The following DYSF variants were observed in gnomAD, a reference collection of about 807,000 sequenced individuals.
DYSF encodes the protein dystrophy-associated fer-1-like 1.
DYSF carries 212 observed loss-of-function variants against 274.9 expected under a neutral mutation model. The ratio of observed to expected loss-of-function variants is 0.77; its 90% CI spans 0.69 to 0.86. The LOEUF (loss-of-function observed/expected upper bound fraction) is 0.86, where lower values mean the gene tolerates loss of function less well. Among genes scored for constraint, DYSF ranks in the 40% least tolerant of loss-of-function variants. The pLI is 0.00. For missense variants in DYSF, 2,666 were observed against 2,783.2 expected (o/e 0.96, Z 0.95); for synonymous variants, 1,091 against 1,078.7 (o/e 1.01, Z -0.22).
intron 4 of DYSF, among the ~76,000 whole-genome samples, chr2:71,504,239 C>T (rs1262349474): frequency 1.3e-5 from 2 of 152,098 alleles, no homozygotes; most frequent in African/African-American, 4.8e-5. Context: ...TCCCCTAGAC[C>T]CTCTGGTGGA....
At position 71,552,904 on chromosome 2, in the gene DYSF, A is replaced by G. The variant is rs540183562; in HGVS notation, c.1807-107A>G. On this transcript the variant is annotated intron_variant, in intron 19 of 55. Coordinates refer to ENST00000410020, the MANE Select transcript of DYSF (RefSeq NM_001130987.2). ...CCACCCGTCAGTCCAGCCAGGAGCT[A>G]TTGGGTGCCGGTTATGGCCGGGGCC... The G allele has an allele frequency of 4.3e-6, 5 of 1,163,068 alleles. No homozygotes were observed. In the East Asian group the frequency reaches 9.9e-5, roughly 23 times the overall value. The allele number at this position is 1,163,068 out of a possible 1,614,324, so 72.0% of individuals were successfully genotyped here. A position where few individuals can be genotyped will look rare whatever the true frequency, so the allele number is the denominator to read the frequency against.
chr2:71,581,560 C>T (rs1393599409), intron 30 of DYSF, among the ~76,000 whole-genome samples: 1 of 152,218 alleles, frequency 6.6e-6, no homozygotes, highest in Non-Finnish European at 1.5e-5. Flanking sequence ...CCCCACAGCC[C>T]TGACTTGGCA....
rs2090963927 is a variant in DYSF, at chr2:71,551,736, C to T, written c.1806+16C>T. On this transcript the variant is annotated intron_variant, in intron 19 of 55. Coordinates refer to ENST00000410020, the MANE Select transcript of DYSF (RefSeq NM_001130987.2). ...CCGGGTGGAGGTGAGGGGTGTGGCT[C>T]TGGGTGGGAGCTGGGCGTCGGGGCA... is the stretch of plus-strand genomic sequence containing the variant. 3 of 1,590,538 alleles carry T rather than the reference C, an allele frequency of 1.9e-6. No homozygotes were observed. The South Asian group carries it at 3.4e-5, about 18-fold the overall frequency.
intron 24 of DYSF, among the ~76,000 whole-genome samples, chr2:71,565,614 G>C (rs545296712): frequency 0.084 from 12,781 of 152,198 alleles, 656 homozygotes; most frequent in African/African-American, 0.13. Flanking sequence ...TGATGCTGAT[G>C]CATTCATATA....
At chr2:71,572,725 A>G (rs1040909043) in intron 29 of DYSF, among the ~76,000 whole-genome samples, 1 of 152,160 alleles carries the variant, frequency 6.6e-6, no homozygotes, top group South Asian at 2.1e-4. Context: ...GCTGGGGCAC[A>G]TACCTATCTC....
At chr2:71,522,097 T>C (rs1009903342) in intron 12 of DYSF, among the ~76,000 whole-genome samples, 7 of 151,806 alleles carry the variant, frequency 4.6e-5, no homozygotes, top group Non-Finnish European at 1.0e-4. Flanking sequence ...TTCTGGTCTC[T>C]TCTCACACTT....
At chr2:71,624,299 G>A (rs138457432) in intron 41 of DYSF, among the ~76,000 whole-genome samples, 236 of 152,346 alleles carry the variant, frequency 1.5e-3, no homozygotes, top group African/African-American at 5.5e-3. Flanking sequence ...AGGACAGACA[G>A]CATTTGTTAA....
chr2:71,552,147 A>T (rs1307528724), intron 19 of DYSF, among the ~76,000 whole-genome samples: 1 of 152,158 alleles, frequency 6.6e-6, no homozygotes, highest in Non-Finnish European at 1.5e-5. Flanking sequence ...AGATGAGGAA[A>T]CAGGCTCAGA....
At position 71,665,247 on chromosome 2, in the gene DYSF, G is replaced by C; in HGVS notation, c.5260G>C (p.Val1754Leu). 1 of 1,614,192 alleles carries C rather than the reference G, an allele frequency of 6.2e-7. No homozygotes were observed. Among genetic ancestry groups the C allele is most frequent in the South Asian group, 1.1e-5 (1 of 91,084 alleles). Residue 1754 changes from valine (V) to leucine (L), a missense_variant, in exon 47 of 56, where the codon GTG becomes CTG. Val to Leu is a conservative substitution (Grantham distance 32). Around this residue, in one of 3 missense-constraint regions of DYSF, gnomAD observed 1,460 missense variants for 1,502.1 expected, o/e 0.97. Coordinates refer to ENST00000410020, the MANE Select transcript of DYSF (RefSeq NM_001130987.2). ...FCQQHRVKAPVYRTDRVMFQD... is the reference protein window; with the variant it reads ...FCQQHRVKAPLYRTDRVMFQD... Reference sequence around the variant, plus strand: ...CCAGCAGCATAGAGTCAAGGCACCTGTGTACCGGACAGACCGTGTAATGTT... The same window carrying C: ...CCAGCAGCATAGAGTCAAGGCACCTCTGTACCGGACAGACCGTGTAATGTT...
At chr2:71,644,487 GT>G (rs1407846770) in intron 42 of DYSF, among the ~76,000 whole-genome samples, 2 of 152,194 alleles carry the variant, frequency 1.3e-5, no homozygotes, top group Non-Finnish European at 2.9e-5. Flanking sequence ...ATGTCTTTCA[GT>G]GTTATTTGAA....
chr2:71,608,352 AC>A (rs1184394845), intron 36 of DYSF, among the ~76,000 whole-genome samples: 2 of 151,980 alleles, frequency 1.3e-5, no homozygotes, highest in Non-Finnish European at 2.9e-5. Context: ...GAGCATTTGG[AC>A]GCATGGTCAG....
chr2:71,462,520 C>G (rs1558917462), upstream of DYSF, among the ~76,000 whole-genome samples: 1 of 152,150 alleles, frequency 6.6e-6, no homozygotes, highest in Non-Finnish European at 1.5e-5. Flanking sequence ...CTGTTTCAGC[C>G]TTGTTTGTCT....
rs574502729 is a variant in DYSF, at chr2:71,568,565, T to A, written c.2864+227T>A. On this transcript the variant is annotated intron_variant, in intron 26 of 55. Transcript: ENST00000410020. ...TCCTTTATTCTTTTCATTAAAAAAA[T>A]TTTTTTTTTTTTTTGAGACAGAGTC... Among the ~76,000 whole-genome samples, 2,348 of 95,774 alleles carry A rather than the reference T, an allele frequency of 0.025. 18 individuals carry two copies. Among genetic ancestry groups the A allele is most frequent in the Non-Finnish European group, 0.033 (1,474 of 45,076 alleles). The allele number at this position is 95,774 out of a possible 152,430, so 62.8% of individuals were successfully genotyped here.
intron 1 of DYSF, among the ~76,000 whole-genome samples, chr2:71,478,745 A>G (rs949316863): frequency 6.6e-6 from 1 of 152,172 alleles, no homozygotes; most frequent in Admixed American, 6.5e-5. Context: ...AAATATTTAC[A>G]AGATAATTCC....
At chr2:71,625,566 AT>A (rs2094194292) in intron 41 of DYSF, among the ~76,000 whole-genome samples, 1 of 152,050 alleles carries the variant, frequency 6.6e-6, no homozygotes, top group Non-Finnish European at 1.5e-5. Context: ...CTTATTTACT[AT>A]AGCTTTCTAA....
intron 51 of DYSF, among the ~76,000 whole-genome samples, chr2:71,670,393 A>C (rs996529571): frequency 6.6e-6 from 1 of 152,258 alleles, no homozygotes; most frequent in Non-Finnish European, 1.5e-5. Context: ...CAAGAAGGCC[A>C]GTCTGGCCTA....
At chr2:71,657,476 C>T (rs2094795782) in intron 43 of DYSF, among the ~76,000 whole-genome samples, 1 of 152,158 alleles carries the variant, frequency 6.6e-6, no homozygotes, top group Non-Finnish European at 1.5e-5. Flanking sequence ...ACTAGCAGTG[C>T]CCCAGATGTG....
intron 1 of DYSF, among the ~76,000 whole-genome samples, chr2:71,479,624 C>A (rs1320922218): frequency 1.3e-5 from 2 of 152,216 alleles, no homozygotes; most frequent in South Asian, 4.1e-4. Context: ...TGTGCGTCTC[C>A]TTTGCCACCT....
At chr2:71,636,761 A>G (rs912061130) in intron 41 of DYSF, among the ~76,000 whole-genome samples, 1 of 152,114 alleles carries the variant, frequency 6.6e-6, no homozygotes, top group Admixed American at 6.5e-5. Flanking sequence ...GTGAGAGTGG[A>G]TAGAGAGGAT....
Sources: allele counts gnomAD v4.1 joint callset (sites outside exome capture counted in the v4.1 genomes callset), GRCh38; gene constraint gnomAD v4.1.1; regional missense constraint gnomAD v4.1.1; transcripts MANE v1.5; gene names NCBI Gene and HGNC (gene_info 2026-07-23, HGNC 2026-07-21).